The following EFHC2 variants were observed in gnomAD, a reference collection of about 807,000 sequenced individuals.
EFHC2 encodes EF-hand domain containing 2, also known as EF-hand domain-containing family member C2.
A neutral mutation model predicts 52.7 loss-of-function variants in EFHC2; 18 were observed. That is an observed-to-expected ratio of 0.34 (90% CI 0.24 to 0.51). The LOEUF (loss-of-function observed/expected upper bound fraction) is 0.51, where lower values mean the gene tolerates loss of function less well. Ranked by LOEUF, EFHC2 falls within the 20% of genes least tolerant of loss-of-function variation. The probability of loss-of-function intolerance (pLI) is 0.97; values close to 1 mark genes in which losing one functional copy is unlikely to be tolerated. For missense variants in EFHC2, 513 were observed against 562.5 expected (o/e 0.91, Z 0.89); for synonymous variants, 203 against 204.1 (o/e 0.99, Z 0.04).
chrX:44,340,816 C>G (rs901876965), intron 1 of EFHC2, among the ~76,000 whole-genome samples: 1 of 111,954 alleles, frequency 8.9e-6, no homozygotes, highest in African/African-American at 3.2e-5. Context: ...CTAACAATAC[C>G]AAGTGTTAGA....
At chrX:44,242,860 A>T (rs1319589258) in intron 7 of EFHC2, among the ~76,000 whole-genome samples, 1 of 111,439 alleles carries the variant, frequency 9.0e-6, no homozygotes, top group Non-Finnish European at 1.9e-5. Flanking sequence ...ACAAACACCA[A>T]AACAGAACTT....
intron 1 of EFHC2, among the ~76,000 whole-genome samples, chrX:44,323,423 G>A (rs1177910439): frequency 2.7e-5 from 3 of 112,055 alleles, no homozygotes; most frequent in Non-Finnish European, 3.8e-5. Context: ...TGGAGCAGTC[G>A]ATGCCAGAGA....
At chrX:44,245,425 T>A (rs550639398) in intron 7 of EFHC2, among the ~76,000 whole-genome samples, 5 of 112,422 alleles carry the variant, frequency 4.4e-5, no homozygotes, top group South Asian at 3.7e-4. Context: ...TCCCTGTCCT[T>A]TTAGTGAAAG....
chrX:44,268,478 T>C, intron 3 of EFHC2, among the ~76,000 whole-genome samples: 1 of 111,481 alleles, frequency 9.0e-6, no homozygotes, highest in Non-Finnish European at 1.9e-5. Context: ...AAGGTAATAA[T>C]GAAAACAATA....
At chrX:44,276,434 A>G (rs1193912004) in intron 2 of EFHC2, among the ~76,000 whole-genome samples, 5 of 112,174 alleles carry the variant, frequency 4.5e-5, no homozygotes, top group Non-Finnish European at 9.4e-5. Context: ...AGAAAATAAA[A>G]AAGAAAAAGA....
At chrX:44,178,768 C>T (rs2036811453) in intron 11 of EFHC2, among the ~76,000 whole-genome samples, 2 of 112,274 alleles carry the variant, frequency 1.8e-5, no homozygotes, top group Non-Finnish European at 3.8e-5. Flanking sequence ...ATCATAGGCA[C>T]TGTAGCTTAT....
At chrX:44,165,144 A>G (rs2036686455) in intron 13 of EFHC2, among the ~76,000 whole-genome samples, 1 of 111,877 alleles carries the variant, frequency 8.9e-6, no homozygotes, top group South Asian at 3.7e-4. Flanking sequence ...TGCCCTTAAA[A>G]TATACTCCTA....
chrX:44,171,795 A>G (rs2036747831), intron 13 of EFHC2, among the ~76,000 whole-genome samples: 1 of 111,543 alleles, frequency 9.0e-6, no homozygotes, highest in Non-Finnish European at 1.9e-5. Flanking sequence ...AAAAGGTAGA[A>G]AGCATCTGGG....
At chrX:44,330,365 C>T (rs755921161) in intron 1 of EFHC2, among the ~76,000 whole-genome samples, 1 of 112,021 alleles carries the variant, frequency 8.9e-6, no homozygotes, top group African/African-American at 3.2e-5. Flanking sequence ...ATAAATTAGA[C>T]CTTAACAAAA....
At chrX:44,178,130 C>A (rs73628313) in intron 12 of EFHC2, among the ~76,000 whole-genome samples, 2 of 22,764 alleles carry the variant, frequency 8.8e-5, no homozygotes, top group African/African-American at 1.1e-3. Flanking sequence ...GATGCCATAT[C>A]ACACACACAC....
chrX:44,198,408 C>T (rs973632085), intron 11 of EFHC2, among the ~76,000 whole-genome samples: 31 of 111,690 alleles, frequency 2.8e-4, no homozygotes, highest in African/African-American at 9.1e-4. Context: ...TAGGCCTATA[C>T]GATCACAGCC....
At chrX:44,255,521 CAAA>C (rs758885191) in intron 4 of EFHC2, among the ~76,000 whole-genome samples, 19 of 111,476 alleles carry the variant, frequency 1.7e-4, no homozygotes, top group Non-Finnish European at 3.2e-4. Context: ...TCAAAAAAGA[CAAA>C]GAAGGGCATT....
In EFHC2 at chrX:44,178,554, T is replaced by C; in HGVS notation, c.1762A>G (p.Met588Val). The C allele has an allele frequency of 8.5e-7, 1 of 1,180,678 alleles. No individual in the cohort carries two copies. The highest frequency in any genetic ancestry group is 1.1e-6 in the Non-Finnish European group (1 of 882,608). ...VDYNTFRDIL[M>V]SLTVGNLAEQ... Reference sequence around the variant, plus strand: ...GCAAGGTTTCCAACAGTCAAAGACATCAATATGTCTCTGTAATAAAAATGG... The same window carrying C: ...GCAAGGTTTCCAACAGTCAAAGACACCAATATGTCTCTGTAATAAAAATGG... Residue 588 changes from methionine to valine, a missense_variant, in exon 12 of 15, where the codon ATG becomes GTG. Coordinates refer to ENST00000420999, the MANE Select transcript of EFHC2 (RefSeq NM_025184.4).
intron 2 of EFHC2, among the ~76,000 whole-genome samples, chrX:44,301,329 C>G (rs920576462): frequency 3.7e-5 from 4 of 109,340 alleles, no homozygotes; most frequent in African/African-American, 1.3e-4. Context: ...CCACTCCCCC[C>G]CCGACCAAAT....
rs774824212 is a variant in EFHC2, at chrX:44,258,983, C to T, written c.606+2092G>A. 5.4e-5 allele frequency among the ~76,000 whole-genome samples: 6 copies of T among 111,536 alleles called. No homozygotes were observed. In the South Asian group the frequency reaches 2.3e-3, roughly 42 times the overall value. ...AAATTAGTTCAACCATTGTGGAAGA[C>T]AGTGTGGCAATTCCTTAAGGATCTA... On this transcript the variant is annotated intron_variant, in intron 4 of 14. Coordinates refer to ENST00000420999, the MANE Select transcript of EFHC2 (RefSeq NM_025184.4).
chrX:44,253,643 C>G (rs2037470447), intron 4 of EFHC2, among the ~76,000 whole-genome samples: 1 of 112,331 alleles, frequency 8.9e-6, no homozygotes, highest in Admixed American at 9.4e-5. Flanking sequence ...ATAGATAAAA[C>G]TCCCATCTTC....
Position 44,343,625 on chromosome X carries a change from G to T in EFHC2, c.-37C>A, listed in dbSNP as rs776872318. 4 of 1,119,234 alleles carry T rather than the reference G, an allele frequency of 3.6e-6. No individual in the cohort carries two copies. Among genetic ancestry groups the T allele is most frequent in the Non-Finnish European group, 4.7e-6 (4 of 854,587 alleles). The allele number at this position is 1,119,234 out of a possible 1,213,427, so 92.2% of individuals were successfully genotyped here. A position where few individuals can be genotyped will look rare whatever the true frequency, so the allele number is the denominator to read the frequency against. ...TCCGAAAATCCAGGGTCCCAGAAGAGAGGGCCCGGCAGGCAGCGGCGCCTC... is the reference window on the plus strand; with the variant it reads ...TCCGAAAATCCAGGGTCCCAGAAGATAGGGCCCGGCAGGCAGCGGCGCCTC... On this transcript the variant is annotated 5_prime_UTR_variant, in exon 1 of 15. Coordinates refer to ENST00000420999, the MANE Select transcript of EFHC2 (RefSeq NM_025184.4).
chrX:44,295,861 T>G (rs2037822950), intron 2 of EFHC2, among the ~76,000 whole-genome samples: 1 of 111,642 alleles, frequency 9.0e-6, no homozygotes, highest in Non-Finnish European at 1.9e-5. Flanking sequence ...TGGCTTAGTC[T>G]CAGCATGGTA....
chrX:44,216,666 A>G (rs1357404868), intron 11 of EFHC2, among the ~76,000 whole-genome samples: 1 of 111,770 alleles, frequency 8.9e-6, no homozygotes, highest in Non-Finnish European at 1.9e-5. Context: ...ATCCATATAC[A>G]AAAGAATGAA....
Sources: gnomAD v4.1 joint callset for allele counts (sites outside exome capture counted in the v4.1 genomes callset) on GRCh38, gnomAD v4.1.1 for gene constraint, MANE v1.5 for transcripts, NCBI Gene and HGNC (gene_info 2026-07-23, HGNC 2026-07-21) for gene names.